RTN1: variants seen among roughly 807,000 people sequenced by gnomAD.
RTN1 encodes the protein reticulon-1.
A neutral mutation model predicts 65.5 loss-of-function variants in RTN1; 25 were observed. The observed-to-expected ratio is 0.38, with a 90% CI of 0.28 to 0.53. The LOEUF (loss-of-function observed/expected upper bound fraction) is 0.53. Among genes scored for constraint, RTN1 ranks in the 20% least tolerant of loss-of-function variants. The pLI is 0.79. For synonymous variants in RTN1, 471 were observed against 447.6 expected (o/e 1.05, Z -0.66); for missense variants, 983 against 1,025.4 (o/e 0.96, Z 0.57).
chr14:59,751,640 G>A (rs1418940846), intron 1 of RTN1, among the ~76,000 whole-genome samples: 1 of 152,078 alleles, frequency 6.6e-6, no homozygotes, highest in Non-Finnish European at 1.5e-5. Flanking sequence ...GGTTTATTTG[G>A]TTTCCAAGGC....
Position 59,636,906 on chromosome 14 carries a change from C to A in RTN1, c.1766-29414G>T, listed in dbSNP as rs113115201. On this transcript the variant is annotated intron_variant, in intron 3 of 8. Transcript: ENST00000267484. ...TGAGCCTTCAGTAATTCATAATAAT[C>A]TTTTTGCTGGTGGAGGGTCTTGCCT... 7.1e-3 allele frequency among the ~76,000 whole-genome samples: 1,074 copies of A among 152,254 alleles called. 6 individuals are homozygous for A. Among genetic ancestry groups the A allele is most frequent in the Non-Finnish European group, 0.011 (730 of 68,012 alleles).
chr14:59,753,155 A>C (rs1885566803), intron 1 of RTN1, among the ~76,000 whole-genome samples: 1 of 152,188 alleles, frequency 6.6e-6, no homozygotes, highest in Non-Finnish European at 1.5e-5. Context: ...GGCTTCTCAG[A>C]TGTACAGTAA....
rs756934888 is a variant in RTN1 at position 59,605,464 on chromosome 14, A to C, written c.2016T>G (p.Ile672Met). The C allele has an allele frequency of 1.2e-6, 2 of 1,614,136 alleles. No individual in the cohort carries two copies. The highest frequency in any genetic ancestry group is 1.7e-6 in the Non-Finnish European group (2 of 1,180,012). Reference protein sequence around the residue: ...ELEITLSQEQIQKYTDCLQFY... With the variant: ...ELEITLSQEQMQKYTDCLQFY... ...ACTGCAGGCAGTCCGTGTACTTCTG[A>C]ATCTGCTCCTGAGAAAGGGTGATCT... The change falls in exon 5 of 9, where the codon ATT (isoleucine) becomes ATG (methionine). Residue 672 changes from isoleucine (I) to methionine (M), a missense_variant. Ile to Met is a conservative substitution (Grantham distance 10, BLOSUM62 1). Around this residue, in one of 2 missense-constraint regions of RTN1, gnomAD observed 165 missense variants for 223.6 expected, o/e 0.74. Transcript: ENST00000267484.
At chr14:59,665,759 A>T (rs1455655446) in intron 3 of RTN1, among the ~76,000 whole-genome samples, 1 of 152,186 alleles carries the variant, frequency 6.6e-6, no homozygotes, top group African/African-American at 2.4e-5. Flanking sequence ...CTACCAAGCA[A>T]ATGGAAAGCA....
At chr14:59,830,938 C>T (rs931176023) in intron 1 of RTN1, among the ~76,000 whole-genome samples, 1 of 152,178 alleles carries the variant, frequency 6.6e-6, no homozygotes, top group Non-Finnish European at 1.5e-5. Flanking sequence ...ATTCTCAGCT[C>T]TGTGTCCTGG....
At chr14:59,713,555 GGACTA>G (rs1290304706) in intron 3 of RTN1, among the ~76,000 whole-genome samples, 4 of 152,240 alleles carry the variant, frequency 2.6e-5, no homozygotes, top group African/African-American at 9.6e-5. Flanking sequence ...ATGGGTCCTT[GGACTA>G]AGGAAAATAC....
intron 1 of RTN1, among the ~76,000 whole-genome samples, chr14:59,867,872 C>T (rs1887825886): frequency 6.6e-6 from 1 of 152,190 alleles, no homozygotes; most frequent in Non-Finnish European, 1.5e-5. Flanking sequence ...TGTGGGGACA[C>T]AGTGAAAAGA....
At chr14:59,867,370 C>T (rs1427456877) in intron 1 of RTN1, among the ~76,000 whole-genome samples, 3 of 152,170 alleles carry the variant, frequency 2.0e-5, no homozygotes, top group East Asian at 1.9e-4. Flanking sequence ...AGCCTACCTA[C>T]GGTGTATTAA....
At chr14:59,600,260 C>T (rs955257761) in intron 8 of RTN1, among the ~76,000 whole-genome samples, 21 of 151,690 alleles carry the variant, frequency 1.4e-4, no homozygotes, top group Non-Finnish European at 2.2e-4. Flanking sequence ...AAGCAGTAAT[C>T]GGATGATGAT....
chr14:59,615,934 C>G (rs1337928884), intron 3 of RTN1, among the ~76,000 whole-genome samples: 1 of 151,960 alleles, frequency 6.6e-6, no homozygotes, highest in Non-Finnish European at 1.5e-5. Flanking sequence ...TCATTTTGGC[C>G]AAATGAATTA....
intron 3 of RTN1, among the ~76,000 whole-genome samples, chr14:59,710,794 A>G (rs1884402820): frequency 6.6e-6 from 1 of 152,210 alleles, no homozygotes; most frequent in Non-Finnish European, 1.5e-5. Flanking sequence ...AAGCCCCACC[A>G]CTGACTGTAA....
chr14:59,727,433 G>A lies in RTN1; in HGVS notation c.1251C>T (p.Ser417=), dbSNP rs1307739979. The A allele has an allele frequency of 6.4e-6, 10 of 1,554,130 alleles. No homozygotes were observed. In the South Asian group the frequency reaches 7.1e-5, roughly 11 times the overall value. The change falls in exon 3 of 9, where the codon TCC becomes TCT. Residue 417 remains serine (S), a synonymous_variant. Transcript: ENST00000267484. This position sits in a 1 kb window ranked among gnomAD's most constrained non-coding sequence, Gnocchi z 4.2. Reference sequence around the variant, plus strand: ...CGTCCTCCGCGGCCATGGGGTCCTCGGACACCAGCTCGATCTCTGAGTCCC... The same window carrying A: ...CGTCCTCCGCGGCCATGGGGTCCTCAGACACCAGCTCGATCTCTGAGTCCC... The part of the protein sequence containing the change: ...ESGDSEIELV[S]EDPMAAEDAL...
intron 1 of RTN1, among the ~76,000 whole-genome samples, chr14:59,859,646 C>G (rs970685564): frequency 6.6e-6 from 1 of 152,074 alleles, no homozygotes; most frequent in African/African-American, 2.4e-5. Context: ...CAGAAGAAGA[C>G]AGAAAAATGT....
chr14:59,825,608 AC>A lies in RTN1; in HGVS notation c.241+44781del, dbSNP rs1887017190. Among the ~76,000 whole-genome samples, 1 of 152,180 alleles carries A rather than the reference AC, an allele frequency of 6.6e-6. No individual in the cohort carries two copies. The highest frequency in any genetic ancestry group is 1.5e-5 in the Non-Finnish European group (1 of 68,036). ...CACAGCAGGGCCTTCTCCCAGAAGC[AC>A]CCCTGCTGGAAGGCCAGCCTAGTGC... On this transcript the variant is annotated intron_variant, in intron 1 of 8. Coordinates refer to ENST00000267484, the MANE Select transcript of RTN1 (RefSeq NM_021136.3). This position sits in a 1 kb window ranked among gnomAD's most constrained non-coding sequence, Gnocchi z 4.2.
At chr14:59,786,612 A>C (rs768940257) in intron 1 of RTN1, among the ~76,000 whole-genome samples, 18 of 152,310 alleles carry the variant, frequency 1.2e-4, no homozygotes, top group Middle Eastern at 3.4e-3. Context: ...AGTTTTGAGA[A>C]AGAGTAAAAA....
intron 3 of RTN1, among the ~76,000 whole-genome samples, chr14:59,648,139 C>G (rs930475475): frequency 6.6e-6 from 1 of 152,080 alleles, no homozygotes; most frequent in African/African-American, 2.4e-5. Flanking sequence ...ATAACTATTA[C>G]AGACTATTAT....
chr14:59,670,058 G>A (rs1394238808), intron 3 of RTN1, among the ~76,000 whole-genome samples: 1 of 152,128 alleles, frequency 6.6e-6, no homozygotes, highest in African/African-American at 2.4e-5. Context: ...AAATGAATGG[G>A]TTGCTATTGC....
chr14:59,846,592 T>C lies in RTN1; in HGVS notation c.241+23798A>G, dbSNP rs1012421260. Among the ~76,000 whole-genome samples, 1 of 152,178 alleles carries C rather than the reference T, an allele frequency of 6.6e-6. No individual in the cohort carries two copies. Among genetic ancestry groups the C allele is most frequent in the African/African-American group, 2.4e-5 (1 of 41,442 alleles). On this transcript the variant is annotated intron_variant, in intron 1 of 8. Transcript: ENST00000267484. This position sits in a 1 kb window ranked among gnomAD's most constrained non-coding sequence, Gnocchi z 4.8. Reference sequence around the variant, plus strand: ...GAGTAAGTGTGTATCCCAAGGGCCTTTGGGTGTAGCCTACACCCATGACAC... The same window carrying C: ...GAGTAAGTGTGTATCCCAAGGGCCTCTGGGTGTAGCCTACACCCATGACAC...
At chr14:59,732,141 G>C (rs1884911100) in intron 2 of RTN1, among the ~76,000 whole-genome samples, 1 of 152,154 alleles carries the variant, frequency 6.6e-6, no homozygotes, top group South Asian at 2.1e-4. Context: ...GCAAAGATAT[G>C]GAAGTGAAAA....
Sources: gnomAD v4.1 joint callset for allele counts (sites outside exome capture counted in the v4.1 genomes callset) on GRCh38, gnomAD v4.1.1 for gene constraint, gnomAD v4.1.1 regional missense constraint, Gnocchi (gnomAD v3.1) non-coding constraint, MANE v1.5 for transcripts, NCBI Gene and HGNC (gene_info 2026-07-23, HGNC 2026-07-21) for gene names.